The following DCLK1 variants were observed in gnomAD, a reference collection of about 807,000 sequenced individuals.
DCLK1 encodes the protein doublecortin like kinase 1.
In DCLK1, 16 loss-of-function variants were observed where a neutral mutation model predicts 86.2. The observed-to-expected ratio is 0.19, with a 90% CI of 0.13 to 0.28. The LOEUF is 0.28. Among genes scored for constraint, DCLK1 ranks in the 10% least tolerant of loss-of-function variants. The probability of loss-of-function intolerance (pLI) is 1.00; values close to 1 mark genes in which losing one functional copy is unlikely to be tolerated. For synonymous variants in DCLK1, 369 were observed against 370.5 expected (o/e 1.00, Z 0.05); for missense variants, 590 against 940.2 (o/e 0.63, Z 4.87).
chr13:35,938,276 G>A (rs1876878826), intron 4 of DCLK1, among the ~76,000 whole-genome samples: 1 of 152,128 alleles, frequency 6.6e-6, no homozygotes, highest in Non-Finnish European at 1.5e-5. Flanking sequence ...CTGGAGACCA[G>A]AACTAGGAGG....
At chr13:35,956,392 T>C (rs1877980360) in intron 3 of DCLK1, among the ~76,000 whole-genome samples, 1 of 152,182 alleles carries the variant, frequency 6.6e-6, no homozygotes, top group Admixed American at 6.5e-5. Context: ...TAGTTAACAT[T>C]GTGGCATGGT....
At chr13:36,075,018 T>C (rs1884138262) in intron 3 of DCLK1, among the ~76,000 whole-genome samples, 1 of 152,238 alleles carries the variant, frequency 6.6e-6, no homozygotes, top group Non-Finnish European at 1.5e-5. Flanking sequence ...ACAAATATTT[T>C]ATTTCTAAAT....
chr13:35,799,763 G>A (rs1196629731), intron 15 of DCLK1, among the ~76,000 whole-genome samples: 1 of 152,078 alleles, frequency 6.6e-6, no homozygotes, highest in Admixed American at 6.6e-5. Context: ...TTCTGGAAAT[G>A]TCAATTCTGT....
intron 6 of DCLK1, chr13:35,850,854 AAT>A: frequency 8.1e-7 from 1 of 1,240,874 alleles, no homozygotes; most frequent in Non-Finnish European, 1.1e-6. Context: ...AGCAGCACTG[AAT>A]GGGCATCCCC....
intron 3 of DCLK1, among the ~76,000 whole-genome samples, chr13:35,976,428 T>C (rs1879333296): frequency 6.6e-6 from 1 of 151,454 alleles, no homozygotes; most frequent in Non-Finnish European, 1.5e-5. Context: ...GGGATGTTGG[T>C]GAACCCTTAG....
Position 35,836,027 on chromosome 13 carries a change from T to C in DCLK1, c.1229+6A>G. 1 of 1,587,882 alleles carries C rather than the reference T, an allele frequency of 6.3e-7. No individual in the cohort carries two copies. Among genetic ancestry groups the C allele is most frequent in the Non-Finnish European group, 8.6e-7 (1 of 1,159,598 alleles). ...TAAGGTTTGATGCAAATGATATCCT[T>C]CTCACCTTTCTACACATTCCTTGAC... On this transcript the variant is annotated splice_donor_region_variant and intron_variant, in intron 8 of 16. Coordinates refer to ENST00000360631, the MANE Select transcript of DCLK1 (RefSeq NM_001330071.2).
chr13:36,088,709 C>T (rs1445242158), intron 3 of DCLK1, among the ~76,000 whole-genome samples: 1 of 152,202 alleles, frequency 6.6e-6, no homozygotes, highest in African/African-American at 2.4e-5. Flanking sequence ...CTTGAGATTC[C>T]AGGGAGGGTG....
At chr13:36,110,581 C>T (rs749975155) in intron 3 of DCLK1, among the ~76,000 whole-genome samples, 7 of 152,080 alleles carry the variant, frequency 4.6e-5, no homozygotes, top group African/African-American at 9.7e-5. Flanking sequence ...AGTTTGAATG[C>T]GCTAGCCTTT....
intron 16 of DCLK1, among the ~76,000 whole-genome samples, chr13:35,778,360 T>C (rs1172960888): frequency 6.6e-6 from 1 of 152,212 alleles, no homozygotes; most frequent in African/African-American, 2.4e-5. Context: ...CTCATTGTCT[T>C]CCTTTACTGG....
intron 3 of DCLK1, among the ~76,000 whole-genome samples, chr13:36,071,631 C>A (rs1338117167): frequency 3.3e-5 from 5 of 152,192 alleles, no homozygotes; most frequent in African/African-American, 1.2e-4. Context: ...TGAGTTATTT[C>A]ATTTAAGTCT....
rs554620246 is a variant in DCLK1, at chr13:35,902,687, G to A, written c.824-31347C>T. ...GAATGTGGTCTTGAGGTGTTGTCCA[G>A]TTCTTAAGGCGGTGGGGGGTGCTGT... On this transcript the variant is annotated intron_variant, in intron 4 of 16. Coordinates refer to ENST00000360631, the MANE Select transcript of DCLK1 (RefSeq NM_001330071.2). 3.3e-5 allele frequency among the ~76,000 whole-genome samples: 5 copies of A among 152,288 alleles called. No homozygotes were observed. In the East Asian group the frequency reaches 9.7e-4, roughly 29 times the overall value.
chr13:36,047,712 A>G (rs1882969593), intron 3 of DCLK1, among the ~76,000 whole-genome samples: 1 of 151,822 alleles, frequency 6.6e-6, no homozygotes, highest in African/African-American at 2.4e-5. Context: ...TGTTGGTTAA[A>G]AGATACAAAA....
intron 10 of DCLK1, among the ~76,000 whole-genome samples, chr13:35,824,461 T>G (rs1278904454): frequency 1.3e-5 from 2 of 152,204 alleles, no homozygotes; most frequent in East Asian, 3.9e-4. Context: ...ATTACATGCG[T>G]GAGCCACTGC....
At chr13:35,921,199 G>T (rs1875781350) in intron 4 of DCLK1, among the ~76,000 whole-genome samples, 1 of 152,148 alleles carries the variant, frequency 6.6e-6, no homozygotes, top group Admixed American at 6.5e-5. Flanking sequence ...GGCTTTAGAA[G>T]GTTTACCACA....
chr13:35,873,477 C>G (rs901671235), intron 4 of DCLK1, among the ~76,000 whole-genome samples: 7 of 151,664 alleles, frequency 4.6e-5, no homozygotes, highest in African/African-American at 1.7e-4. Context: ...CTCCACCTCC[C>G]GAGTTCAAGA....
chr13:35,821,146 A>AAATG (rs2087385776), intron 11 of DCLK1, among the ~76,000 whole-genome samples: 1 of 152,196 alleles, frequency 6.6e-6, no homozygotes, highest in Non-Finnish European at 1.5e-5. Flanking sequence ...CAGGTCATTT[A>AAATG]ACTTCTAGGT....
rs1159091695 is a variant in DCLK1 at position 35,854,551 on chromosome 13, C to A, written c.983G>T (p.Gly328Val). Residue 328 changes from glycine (G) to valine (V), a missense_variant, in exon 6 of 17, where the codon GGC becomes GTC. By Grantham distance (109) the Gly-to-Val change is moderately radical. Coordinates refer to ENST00000360631, the MANE Select transcript of DCLK1 (RefSeq NM_001330071.2). The stretch of plus-strand genomic sequence containing the variant: ...GGTGGGTGATGGGCTTGGCGACTTG[C>A]CTGAGCGCGGAGTAGAGAGCTGACT... ...PGSQLSTPRS[G>V]KSPSPSPTSP... 1.2e-6 allele frequency: 2 copies of A among 1,605,864 alleles called. No homozygotes were observed. Among genetic ancestry groups the A allele is most frequent in the African/African-American group, 2.7e-5 (2 of 74,676 alleles).
intron 7 of DCLK1, among the ~76,000 whole-genome samples, chr13:35,838,845 C>G (rs1447494574): frequency 6.6e-6 from 1 of 152,206 alleles, no homozygotes; most frequent in Non-Finnish European, 1.5e-5. Flanking sequence ...AGCTGGCCTT[C>G]TTAGGATACA....
At chr13:35,957,125 T>C (rs1158200333) in intron 3 of DCLK1, among the ~76,000 whole-genome samples, 6 of 152,104 alleles carry the variant, frequency 3.9e-5, no homozygotes. Flanking sequence ...ACACCATTAA[T>C]AGAATAGGTT....
Sources: gnomAD v4.1 joint callset for allele counts (sites outside exome capture counted in the v4.1 genomes callset) on GRCh38, gnomAD v4.1.1 for gene constraint, MANE v1.5 for transcripts, NCBI Gene and HGNC (gene_info 2026-07-23, HGNC 2026-07-21) for gene names.